CSMD1: variants seen among roughly 807,000 people sequenced by gnomAD.
CSMD1 encodes CUB and Sushi multiple domains 1.
CSMD1 carries 213 observed loss-of-function variants against 417.5 expected under a neutral mutation model. That is an observed-to-expected ratio of 0.51 (90% confidence interval 0.46 to 0.57). The LOEUF (loss-of-function observed/expected upper bound fraction) is 0.57, where lower values mean the gene tolerates loss of function less well. Ranked by LOEUF, CSMD1 falls within the 20% of genes least tolerant of loss-of-function variation. The probability of loss-of-function intolerance (pLI) is 0.00; values close to 1 mark genes in which losing one functional copy is unlikely to be tolerated. For synonymous variants in CSMD1, 2,862 were observed against 1,736.8 expected (o/e 1.65, Z -16.11); for missense variants, 6,923 against 4,529.7 (o/e 1.53, Z -15.17).
At chr8:4,276,974 C>G (rs941746431) in intron 3 of CSMD1, among the ~76,000 whole-genome samples, 2 of 151,964 alleles carry the variant, frequency 1.3e-5, no homozygotes, top group African/African-American at 4.8e-5. Flanking sequence ...AAACAAACTA[C>G]ATATTTTAAA....
At chr8:4,746,995 G>A (rs115338539) in intron 1 of CSMD1, among the ~76,000 whole-genome samples, 2 of 152,108 alleles carry the variant, frequency 1.3e-5, no homozygotes, top group Non-Finnish European at 2.9e-5. Flanking sequence ...CTCAAGCAGG[G>A]AACTCGTGAG....
chr8:3,510,758 A>G (rs926106266), intron 10 of CSMD1, among the ~76,000 whole-genome samples: 2 of 151,838 alleles, frequency 1.3e-5, no homozygotes, highest in Admixed American at 1.3e-4. Flanking sequence ...TGTAATGACC[A>G]GTGAGGATGA....
chr8:3,677,788 C>T (rs1337957796), intron 7 of CSMD1, among the ~76,000 whole-genome samples: 2 of 152,126 alleles, frequency 1.3e-5, no homozygotes, highest in African/African-American at 4.8e-5. Context: ...AGTATATGTG[C>T]AATTTTTTAA....
chr8:4,761,010 G>A (rs550908416), intron 1 of CSMD1, among the ~76,000 whole-genome samples: 24 of 152,148 alleles, frequency 1.6e-4, no homozygotes, highest in Admixed American at 5.2e-4. Context: ...ATTGTGAGTA[G>A]CAGTTTGGTG....
chr8:4,421,361 C>A (rs1173792269), intron 2 of CSMD1, among the ~76,000 whole-genome samples: 1 of 152,140 alleles, frequency 6.6e-6, no homozygotes, highest in Non-Finnish European at 1.5e-5. Context: ...GTACACTTTA[C>A]CCAGCAAGAA....
At chr8:3,995,424 A>C (rs1199916871) in intron 5 of CSMD1, among the ~76,000 whole-genome samples, 2 of 152,224 alleles carry the variant, frequency 1.3e-5, no homozygotes, top group Non-Finnish European at 2.9e-5. Context: ...TTGCTTTTCC[A>C]TCTTTACCCC....
Position 3,459,609 on chromosome 8 carries a change from G to A in CSMD1, c.1561+9103C>T, listed in dbSNP as rs956243498. Among the ~76,000 whole-genome samples, 4 of 152,218 alleles carry A rather than the reference G, an allele frequency of 2.6e-5. No individual in the cohort carries two copies. The East Asian group carries it at 5.8e-4, about 22-fold the overall frequency. ...CAGGGGAATTCAACCAATAGCAGCA[G>A]AGCACCCACCACTGAAGGGTAACTC... On this transcript the variant is annotated intron_variant, in intron 12 of 69. Coordinates refer to ENST00000635120, the MANE Select transcript of CSMD1 (RefSeq NM_033225.6).
chr8:3,435,003 AGGGAGCTGGTAGCAGACAGGACT>A lies in CSMD1; in HGVS notation c.1562-25421_1562-25399del, dbSNP rs574025526. Among the ~76,000 whole-genome samples the A allele has an allele frequency of 9.9e-3, 1,508 of 152,274 alleles. 38 individuals carry two copies. Among genetic ancestry groups the A allele is most frequent in the East Asian group, 0.091 (472 of 5,166 alleles). ...CCAGGGAGCTGGTAGCAGACAGGAC[AGGGAGCTGGTAGCAGACAGGACT>A]GGGAGCTGGTAGCAGAGAGGACAGA... On this transcript the variant is annotated intron_variant, in intron 12 of 69. Transcript: ENST00000635120.
chr8:3,927,710 T>C (rs934327812), intron 5 of CSMD1, among the ~76,000 whole-genome samples: 2 of 152,086 alleles, frequency 1.3e-5, no homozygotes, highest in Non-Finnish European at 2.9e-5. Context: ...AATATTTTCT[T>C]TACCTTTGTT....
At chr8:3,905,448 A>AC (rs375745498) in intron 5 of CSMD1, among the ~76,000 whole-genome samples, 7 of 152,000 alleles carry the variant, frequency 4.6e-5, no homozygotes, top group Admixed American at 3.9e-4. Flanking sequence ...GCAATGTAAG[A>AC]CCCCCCAACA....
At position 4,376,864 on chromosome 8, in the gene CSMD1, C is replaced by A. The variant is rs189537334; in HGVS notation, c.415+43089G>T. ...TATTTGTAAGTGCTTCTCTGTTATGCATTTTTACAGGTATTTGACTTGGAT... is the reference window on the plus strand; with the variant it reads ...TATTTGTAAGTGCTTCTCTGTTATGAATTTTTACAGGTATTTGACTTGGAT... On this transcript the variant is annotated intron_variant, in intron 3 of 69. Transcript: ENST00000635120. Among the ~76,000 whole-genome samples the A allele has an allele frequency of 9.2e-5, 14 of 152,304 alleles. No homozygotes were observed. In the East Asian group the frequency reaches 2.3e-3, roughly 25 times the overall value.
At chr8:4,453,899 G>A (rs1189829960) in intron 2 of CSMD1, among the ~76,000 whole-genome samples, 2 of 129,424 alleles carry the variant, frequency 1.5e-5, no homozygotes, top group Admixed American at 1.0e-4. Flanking sequence ...TCGGCTCACT[G>A]CCAGCTCCGC....
chr8:4,329,057 ACAT>A (rs1799718252), intron 3 of CSMD1, among the ~76,000 whole-genome samples: 1 of 152,216 alleles, frequency 6.6e-6, no homozygotes, highest in South Asian at 2.1e-4. Context: ...GAGAATAATC[ACAT>A]AATAAATAAA....
chr8:4,051,926 C>CTT (rs1798453995), intron 3 of CSMD1, among the ~76,000 whole-genome samples: 2 of 99,242 alleles, frequency 2.0e-5, no homozygotes, highest in African/African-American at 7.0e-5. Flanking sequence ...CTTTCTTTTT[C>CTT]TTTCTTTCTT....
chr8:4,538,694 C>A (rs1291249031), intron 2 of CSMD1, among the ~76,000 whole-genome samples: 3 of 152,090 alleles, frequency 2.0e-5, no homozygotes, highest in Non-Finnish European at 1.5e-5. Context: ...TAGTACCAAC[C>A]TGGATAAGAC....
At chr8:4,813,155 C>G (rs527308094) in intron 1 of CSMD1, among the ~76,000 whole-genome samples, 147 of 152,232 alleles carry the variant, frequency 9.7e-4, no homozygotes, top group African/African-American at 3.4e-3. Context: ...TGACAAAAGC[C>G]TCAGTCACTA....
chr8:4,667,644 C>T (rs2130937430), intron 1 of CSMD1, among the ~76,000 whole-genome samples: 1 of 152,126 alleles, frequency 6.6e-6, no homozygotes, highest in African/African-American at 2.4e-5. Flanking sequence ...TAAAAAAATA[C>T]AAATTCTAAT....
chr8:4,916,490 T>C (rs1806075867), intron 1 of CSMD1, among the ~76,000 whole-genome samples: 1 of 152,242 alleles, frequency 6.6e-6, no homozygotes, highest in Admixed American at 6.5e-5. Flanking sequence ...AATGTATGTT[T>C]TCTTTCTTCC....
intron 8 of CSMD1, among the ~76,000 whole-genome samples, chr8:3,604,521 C>T (rs1801512503): frequency 6.6e-6 from 1 of 152,122 alleles, no homozygotes; most frequent in African/African-American, 2.4e-5. Context: ...GCCAATACCA[C>T]ATAGGATACC....
Sources: gnomAD v4.1 joint callset for allele counts (sites outside exome capture counted in the v4.1 genomes callset) on GRCh38, gnomAD v4.1.1 for gene constraint, MANE v1.5 for transcripts, NCBI Gene and HGNC (gene_info 2026-07-23, HGNC 2026-07-21) for gene names.